The following MLIP variants were observed in gnomAD, a reference collection of about 807,000 sequenced individuals.
The protein encoded by MLIP is muscular LMNA-interacting protein.
In MLIP, 79 loss-of-function variants were observed where a neutral mutation model predicts 84.8. That is an observed-to-expected ratio of 0.93 (90% CI 0.78 to 1.12). The LOEUF (loss-of-function observed/expected upper bound fraction) is 1.12, where lower values mean the gene tolerates loss of function less well. Ranked by LOEUF, MLIP falls within the 50% of genes most tolerant of loss-of-function variation. MLIP has a pLI of 0.00. For synonymous variants in MLIP, 504 were observed against 463.0 expected (o/e 1.09, Z -1.14); for missense variants, 1,257 against 1,160.6 (o/e 1.08, Z -1.21).
At chr6:54,163,723 A>G (rs980248311) in intron 8 of MLIP, among the ~76,000 whole-genome samples, 2 of 151,936 alleles carry the variant, frequency 1.3e-5, no homozygotes, top group Admixed American at 6.6e-5. Context: ...TTATGTCTGA[A>G]CACTTCTTTA....
intron 1 of MLIP, among the ~76,000 whole-genome samples, chr6:54,074,124 G>A (rs1306198353): frequency 2.0e-5 from 3 of 152,114 alleles, no homozygotes; most frequent in Non-Finnish European, 2.9e-5. Context: ...TATCTACCAC[G>A]TTCATTATCT....
chr6:54,020,574 A>G (rs1763440567), intron 1 of MLIP, among the ~76,000 whole-genome samples: 1 of 152,198 alleles, frequency 6.6e-6, no homozygotes, highest in Admixed American at 6.5e-5. Flanking sequence ...TAAACAGAGG[A>G]CATGGGGCAA....
rs887243822 is a variant in MLIP, at chr6:54,121,582, A to G, written c.232A>G (p.Ser78Gly). The G allele has an allele frequency of 3.6e-5, 58 of 1,611,680 alleles. No homozygotes were observed. Among genetic ancestry groups the G allele is most frequent in the Non-Finnish European group, 4.8e-5 (57 of 1,178,782 alleles). The stretch of plus-strand genomic sequence containing the variant: ...AATTCCAGAAGAATCAAGTGATAAG[A>G]GTCCAGAAACTGTAAATAGGGTAGG... ...VKIPEESSDK[S>G]PETVNRSKSN... Residue 78 changes from serine to glycine, a missense_variant, in exon 2 of 14, where the codon AGT becomes GGT. Physicochemically the swap from Ser to Gly is moderately conservative, Grantham distance 56 (BLOSUM62 0). Transcript: ENST00000502396.
chr6:54,092,246 G>C (rs1767916928), intron 1 of MLIP, among the ~76,000 whole-genome samples: 1 of 152,152 alleles, frequency 6.6e-6, no homozygotes, highest in Non-Finnish European at 1.5e-5. Context: ...AACCAAAAGG[G>C]CTGAGTTCTT....
intron 1 of MLIP, among the ~76,000 whole-genome samples, chr6:54,119,965 A>T (rs1280950): frequency 0.037 from 5,663 of 152,208 alleles, 151 homozygotes; most frequent in Non-Finnish European, 0.062. Context: ...AACTTATTTC[A>T]CCTGCTTCCT....
chr6:54,209,111 G>A (rs1235063567), intron 11 of MLIP, among the ~76,000 whole-genome samples: 2 of 152,234 alleles, frequency 1.3e-5, no homozygotes, highest in East Asian at 3.9e-4. Context: ...CTCAACCTTG[G>A]CGATATTGGC....
At chr6:54,261,279 T>A (rs1442791013) in intron 13 of MLIP, among the ~76,000 whole-genome samples, 1 of 152,036 alleles carries the variant, frequency 6.6e-6, no homozygotes, top group Non-Finnish European at 1.5e-5. Flanking sequence ...TACTGCAGAA[T>A]GAGATATAAA....
chr6:54,255,111 T>C (rs757669922), intron 12 of MLIP, among the ~76,000 whole-genome samples: 4 of 152,122 alleles, frequency 2.6e-5, no homozygotes, highest in African/African-American at 4.8e-5. Flanking sequence ...CTTTTCCCTT[T>C]ACTATATGTC....
At chr6:54,109,292 A>C (rs553906718), upstream of MLIP, among the ~76,000 whole-genome samples, 1 of 152,136 alleles carries the variant, frequency 6.6e-6, no homozygotes, top group East Asian at 1.9e-4. Context: ...AACAATACCC[A>C]CAGGAGTAAC....
At chr6:54,151,174 T>C (rs1442140270) in intron 5 of MLIP, among the ~76,000 whole-genome samples, 2 of 152,228 alleles carry the variant, frequency 1.3e-5, no homozygotes, top group Admixed American at 6.5e-5. Context: ...TTTTTTTTCT[T>C]TAGGTCCTTT....
intron 12 of MLIP, among the ~76,000 whole-genome samples, chr6:54,239,623 C>CA (rs1231219276): frequency 0.04 from 4,863 of 122,462 alleles, 233 homozygotes; most frequent in African/African-American, 0.13. Context: ...ACTAAAAATA[C>CA]AAAAAAAAAA....
intron 13 of MLIP, among the ~76,000 whole-genome samples, chr6:54,264,828 T>A (rs753376727): frequency 5.3e-5 from 8 of 152,112 alleles, no homozygotes; most frequent in Admixed American, 2.0e-4. Flanking sequence ...GTTGATTTTC[T>A]ATGGCCAGAA....
chr6:54,071,344 T>A (rs536648854), intron 1 of MLIP, among the ~76,000 whole-genome samples: 4 of 152,238 alleles, frequency 2.6e-5, no homozygotes, highest in South Asian at 2.1e-4. Flanking sequence ...AAAAACAAAG[T>A]TATCTTCATA....
chr6:54,219,636 T>C (rs1780094776), intron 11 of MLIP, among the ~76,000 whole-genome samples: 1 of 152,218 alleles, frequency 6.6e-6, no homozygotes, highest in Admixed American at 6.5e-5. Context: ...TATTTACTGA[T>C]GGGAACTTTA....
chr6:54,116,201 G>C (rs576984825), intron 1 of MLIP, among the ~76,000 whole-genome samples: 3 of 152,198 alleles, frequency 2.0e-5, no homozygotes, highest in African/African-American at 7.2e-5. Context: ...GAAGGGAGAG[G>C]GAGTGAGAGA....
upstream of MLIP, among the ~76,000 whole-genome samples, chr6:54,107,668 G>T (rs183730281): frequency 9.0e-4 from 137 of 152,310 alleles, no homozygotes; most frequent in African/African-American, 3.1e-3. Context: ...CACGTGACTT[G>T]TCATCCTCCT....
chr6:54,063,275 C>G (rs1335370240), intron 1 of MLIP: 1 of 151,334 alleles, frequency 6.6e-6, no homozygotes, highest in Non-Finnish European at 1.5e-5. Context: ...ACCCATATTT[C>G]TCAGATCCCT....
At chr6:54,174,802 T>C (rs1389008575) in intron 9 of MLIP, among the ~76,000 whole-genome samples, 1 of 151,936 alleles carries the variant, frequency 6.6e-6, no homozygotes, top group Admixed American at 6.6e-5. Flanking sequence ...TTGTGGGGTA[T>C]TACTGGAGAA....
At chr6:54,041,889 C>T (rs888771735) in intron 1 of MLIP, among the ~76,000 whole-genome samples, 1 of 152,058 alleles carries the variant, frequency 6.6e-6, no homozygotes, top group Non-Finnish European at 1.5e-5. Context: ...TCCCGGACCT[C>T]AGGCACCAAA....
Sources: allele counts gnomAD v4.1 joint callset (sites outside exome capture counted in the v4.1 genomes callset), GRCh38; gene constraint gnomAD v4.1.1; transcripts MANE v1.5; gene names NCBI Gene and HGNC (gene_info 2026-07-23, HGNC 2026-07-21).